Variants in VPS54 observed in about 807,000 individuals in gnomAD.
The protein encoded by VPS54 is vacuolar protein sorting-associated protein 54.
In VPS54, 45 loss-of-function variants were observed where a neutral mutation model predicts 121.5. The ratio of observed to expected loss-of-function variants is 0.37; its 90% CI spans 0.29 to 0.47. The LOEUF (loss-of-function observed/expected upper bound fraction) is 0.47, where lower values mean the gene tolerates loss of function less well. Among genes scored for constraint, VPS54 ranks in the 20% least tolerant of loss-of-function variants. The probability of loss-of-function intolerance (pLI) is 0.99; values close to 1 mark genes in which losing one functional copy is unlikely to be tolerated. For synonymous variants in VPS54, 371 were observed against 385.8 expected (o/e 0.96, Z 0.45); for missense variants, 1,090 against 1,131.4 (o/e 0.96, Z 0.52).
At chr2:63,914,438 T>G in intron 16 of VPS54, 151 bp from the exon 17 acceptor site, 2 of 620,806 alleles carry the variant, frequency 3.2e-6, no homozygotes, top group East Asian at 5.5e-5. Flanking sequence ...TTTTACCTAC[T>G]AGTACAGCAG....
At chr2:63,900,889 A>G (rs1383630125) in intron 20 of VPS54, among the ~76,000 whole-genome samples, 2 of 151,962 alleles carry the variant, frequency 1.3e-5, no homozygotes, top group Admixed American at 1.3e-4. Flanking sequence ...CAGCCTCCCG[A>G]GTAGCTGGGA....
chr2:63,925,226 A>G (rs1347842884), intron 12 of VPS54, among the ~76,000 whole-genome samples: 2 of 152,242 alleles, frequency 1.3e-5, no homozygotes, highest in African/African-American at 2.4e-5. Context: ...AAAAATGGGT[A>G]AAGGCCTTGA....
At chr2:63,977,607 T>C (rs1190707841) in intron 3 of VPS54, among the ~76,000 whole-genome samples, 1 of 152,240 alleles carries the variant, frequency 6.6e-6, no homozygotes, top group East Asian at 1.9e-4. Context: ...TTCTTGCATG[T>C]TGTCCATGTT....
chr2:63,932,750 A>C (rs937449354), intron 12 of VPS54, among the ~76,000 whole-genome samples: 2 of 152,258 alleles, frequency 1.3e-5, no homozygotes, highest in Admixed American at 1.3e-4. Context: ...AACTAAATCC[A>C]AACTATTCTT....
chr2:63,903,515 C>A (rs561749826), intron 20 of VPS54, among the ~76,000 whole-genome samples: 1 of 152,102 alleles, frequency 6.6e-6, no homozygotes, highest in South Asian at 2.1e-4. Context: ...GCATTGTTTT[C>A]CTCATTTTTA....
At chr2:64,003,933 G>T (rs995781689) in intron 1 of VPS54, among the ~76,000 whole-genome samples, 1 of 152,058 alleles carries the variant, frequency 6.6e-6, no homozygotes, top group African/African-American at 2.4e-5. Context: ...AAAAGAACCA[G>T]GACTCTTTGA....
chr2:63,951,867 G>A (rs1311487472), intron 7 of VPS54, among the ~76,000 whole-genome samples: 2 of 152,248 alleles, frequency 1.3e-5, no homozygotes, highest in South Asian at 2.1e-4. Flanking sequence ...GGTCAAAGGT[G>A]TACCTTTAGC....
chr2:63,976,367 A>AC (rs1225894855), intron 3 of VPS54, among the ~76,000 whole-genome samples: 6 of 150,754 alleles, frequency 4.0e-5, no homozygotes, highest in African/African-American at 1.2e-4. Context: ...AAAAAAAACA[A>AC]AAAACAAAAA....
At chr2:63,898,826 T>G (rs1672550680) in intron 21 of VPS54, among the ~76,000 whole-genome samples, 1 of 151,460 alleles carries the variant, frequency 6.6e-6, no homozygotes, top group South Asian at 2.1e-4. Context: ...TACTGAAAAC[T>G]TCAAAGTTCC....
chr2:63,954,849 A>G (rs989735447), intron 7 of VPS54, among the ~76,000 whole-genome samples: 3 of 152,044 alleles, frequency 2.0e-5, no homozygotes, highest in Non-Finnish European at 2.9e-5. Context: ...CTATAAGACA[A>G]CCCAGTTTCT....
At chr2:63,921,118 T>G in intron 13 of VPS54, 88 bp downstream of exon 13, 1 of 1,380,766 alleles carries the variant, frequency 7.2e-7, no homozygotes. Context: ...ATAATATGCA[T>G]TATGGGGAAC....
chr2:63,970,884 T>C (rs1676254362), intron 4 of VPS54, among the ~76,000 whole-genome samples: 1 of 150,206 alleles, frequency 6.7e-6, no homozygotes, highest in Non-Finnish European at 1.5e-5. Flanking sequence ...TCAACTACCA[T>C]GCTATTGTCC....
chr2:63,913,907 C>A, intron 17 of VPS54: 5 of 1,176,464 alleles, frequency 4.3e-6, no homozygotes, highest in South Asian at 2.7e-5. Context: ...ACCTAAGTGG[C>A]CTCAGTCATG....
At chr2:63,905,175 G>A (rs529410541) in intron 20 of VPS54, among the ~76,000 whole-genome samples, 1 of 152,052 alleles carries the variant, frequency 6.6e-6, no homozygotes, top group South Asian at 2.1e-4. Context: ...TCCAAAGCAA[G>A]TTAAAAGAAA....
intron 12 of VPS54, among the ~76,000 whole-genome samples, chr2:63,925,294 C>T (rs2104462168): frequency 6.6e-6 from 1 of 152,276 alleles, no homozygotes; most frequent in East Asian, 1.9e-4. Flanking sequence ...AAAAGGTGCT[C>T]TCCTAACAAT....
At chr2:63,997,875 T>C (rs192600195) in intron 1 of VPS54, among the ~76,000 whole-genome samples, 24 of 152,178 alleles carry the variant, frequency 1.6e-4, no homozygotes, top group African/African-American at 5.5e-4. Flanking sequence ...TGTATCCTCA[T>C]AGATTTTGGT....
chr2:64,001,135 G>A (rs1677855140), intron 1 of VPS54, among the ~76,000 whole-genome samples: 1 of 152,266 alleles, frequency 6.6e-6, no homozygotes, highest in East Asian at 1.9e-4. Flanking sequence ...ACAGGCAGAG[G>A]AGCCTCACCC....
intron 1 of VPS54, among the ~76,000 whole-genome samples, chr2:63,992,659 A>G (rs1016913629): frequency 1.3e-5 from 2 of 152,236 alleles, no homozygotes; most frequent in South Asian, 4.1e-4. Context: ...TCCCGCTGGA[A>G]TTCTCCTGTG....
rs1027681820 is a variant in VPS54 at position 64,019,141 on chromosome 2, A to T, written c.-224T>A. On this transcript the variant is annotated 5_prime_UTR_variant, in exon 1 of 23. Coordinates refer to ENST00000272322, the MANE Select transcript of VPS54 (RefSeq NM_016516.3). The stretch of plus-strand genomic sequence containing the variant: ...GGGCCGCCCTCTCGAGCCCAGCTTC[A>T]CTCAGGGGTGAGAGGTGGCAGCGGC... The T allele has an allele frequency of 4.0e-5, 6 of 150,560 alleles. No homozygotes were observed. Among genetic ancestry groups the T allele is most frequent in the Non-Finnish European group, 5.9e-5 (4 of 67,572 alleles). The allele number at this position is 150,560 out of a possible 1,614,324, so 9.3% of individuals were successfully genotyped here.
Sources: gnomAD v4.1 joint callset for allele counts (sites outside exome capture counted in the v4.1 genomes callset) on GRCh38, gnomAD v4.1.1 for gene constraint, MANE v1.5 for transcripts, NCBI Gene and HGNC (gene_info 2026-07-23, HGNC 2026-07-21) for gene names.